Variants in CFAP299 observed in about 807,000 individuals in gnomAD.
CFAP299 encodes cilia and flagella associated protein 299.
Under a neutral mutation model 27.0 loss-of-function variants are expected in CFAP299, and 21 were observed. The observed-to-expected ratio is 0.78, with a 90% CI of 0.55 to 1.12. The LOEUF is 1.12. CFAP299 is among the 50% of genes most tolerant of loss of function. CFAP299 has a pLI of 0.00. For synonymous variants in CFAP299, 104 were observed against 98.1 expected, an observed-to-expected ratio of 1.06 and a Z score of -0.36; for missense variants, 310 against 276.6, an observed-to-expected ratio of 1.12 and a Z score of -0.86.
chr4:80,343,180 T>C (rs780228089), intron 1 of CFAP299, among the ~76,000 whole-genome samples: 1 of 152,194 alleles, frequency 6.6e-6, no homozygotes, highest in Non-Finnish European at 1.5e-5. Context: ...ATAAAGCAAG[T>C]TCTTAGAGAC....
rs888641481 is a variant in CFAP299 at position 80,510,676 on chromosome 4, T to C, written c.243-72417T>C. 5.9e-5 allele frequency among the ~76,000 whole-genome samples: 9 copies of C among 152,184 alleles called. No homozygotes were observed. The South Asian group carries it at 1.9e-3, about 31-fold the overall frequency. On this transcript the variant is annotated intron_variant, in intron 2 of 5. Transcript: ENST00000358105. ...CCAGTCATGAGTTAGTACAGGGATC[T>C]TAAAATAACACCAATATATGCCCTT...
At chr4:80,928,314 A>C (rs1038324902) in intron 4 of CFAP299, among the ~76,000 whole-genome samples, 2 of 151,926 alleles carry the variant, frequency 1.3e-5, no homozygotes, top group African/African-American at 4.8e-5. Flanking sequence ...ATACTCCTGA[A>C]TTTTCTAGCT....
intron 3 of CFAP299, among the ~76,000 whole-genome samples, chr4:80,681,839 G>A (rs1719864079): frequency 6.6e-6 from 1 of 152,116 alleles, no homozygotes; most frequent in Non-Finnish European, 1.5e-5. Flanking sequence ...AACTGGAGAA[G>A]GGCTATTTTT....
intron 4 of CFAP299, among the ~76,000 whole-genome samples, chr4:80,931,675 A>G (rs1578247764): frequency 1.3e-5 from 2 of 151,942 alleles, no homozygotes; most frequent in East Asian, 3.9e-4. Flanking sequence ...TATTTCAATC[A>G]CCATCCTGGT....
intron 2 of CFAP299, among the ~76,000 whole-genome samples, chr4:80,566,845 AC>A (rs1467915031): frequency 1.3e-5 from 2 of 152,082 alleles, no homozygotes; most frequent in African/African-American, 2.4e-5. Context: ...ACACATTCAG[AC>A]ACAAAGAACA....
chr4:80,813,618 G>A (rs1236606576), intron 3 of CFAP299, among the ~76,000 whole-genome samples: 1 of 151,964 alleles, frequency 6.6e-6, no homozygotes, highest in Non-Finnish European at 1.5e-5. Context: ...TACCAAATGA[G>A]ACAGAACATG....
intron 2 of CFAP299, chr4:80,387,441 T>C: frequency 1.2e-6 from 1 of 854,982 alleles, no homozygotes; most frequent in Non-Finnish European, 2.0e-6. Flanking sequence ...GAGCTGTAGA[T>C]GAGGACTACC....
intron 2 of CFAP299, among the ~76,000 whole-genome samples, chr4:80,419,667 G>A (rs1038312977): frequency 6.6e-6 from 1 of 151,982 alleles, no homozygotes; most frequent in Non-Finnish European, 1.5e-5. Context: ...TTCCCGGTGC[G>A]GGGTGCCTCT....
chr4:80,835,766 CAGAA>C (rs1730531074), intron 3 of CFAP299, among the ~76,000 whole-genome samples: 1 of 152,138 alleles, frequency 6.6e-6, no homozygotes, highest in Non-Finnish European at 1.5e-5. Flanking sequence ...TTCCATCCTC[CAGAA>C]CTGTGAGAGA....
At chr4:80,675,714 C>T (rs964824964) in intron 3 of CFAP299, among the ~76,000 whole-genome samples, 1 of 151,888 alleles carries the variant, frequency 6.6e-6, no homozygotes, top group African/African-American at 2.4e-5. Context: ...CTTCCCTATC[C>T]ACTATGTTTA....
intron 3 of CFAP299, among the ~76,000 whole-genome samples, chr4:80,650,827 A>G (rs1174229405): frequency 6.6e-6 from 1 of 152,050 alleles, no homozygotes; most frequent in Non-Finnish European, 1.5e-5. Context: ...ATGCAAATGC[A>G]TAAGAATGAC....
chr4:80,469,389 A>G (rs1729873469), intron 2 of CFAP299, among the ~76,000 whole-genome samples: 1 of 152,208 alleles, frequency 6.6e-6, no homozygotes, highest in Non-Finnish European at 1.5e-5. Context: ...TTTACTATTT[A>G]TGTGACCCTG....
At chr4:80,702,422 G>C (rs1721556506) in intron 3 of CFAP299, among the ~76,000 whole-genome samples, 1 of 151,796 alleles carries the variant, frequency 6.6e-6, no homozygotes, top group South Asian at 2.1e-4. Flanking sequence ...ACACGACACT[G>C]AGCTGTTTTT....
chr4:80,858,955 TG>T (rs1198307037), intron 3 of CFAP299, among the ~76,000 whole-genome samples: 2 of 152,216 alleles, frequency 1.3e-5, no homozygotes, highest in Non-Finnish European at 2.9e-5. Flanking sequence ...GTTCAATTCC[TG>T]GGTATCCTTG....
rs928265311 is a variant in CFAP299, at chr4:80,626,760, G to T, written c.333+43577G>T. ...ATATACCAACCATTTCAGTAACCTAGAGAAACAGATAAATTATTTGATGCT... is the reference window on the plus strand; with the variant it reads ...ATATACCAACCATTTCAGTAACCTATAGAAACAGATAAATTATTTGATGCT... On this transcript the variant is annotated intron_variant, in intron 3 of 5. Coordinates refer to ENST00000358105, the MANE Select transcript of CFAP299 (RefSeq NM_152770.3). Among the ~76,000 whole-genome samples, 4 of 151,648 alleles carry T rather than the reference G, an allele frequency of 2.6e-5. No homozygotes were observed. In the South Asian group the frequency reaches 8.3e-4, roughly 31 times the overall value.
intron 3 of CFAP299, among the ~76,000 whole-genome samples, chr4:80,681,575 T>A (rs1407787447): frequency 1.8e-4 from 28 of 152,292 alleles, no homozygotes; most frequent in African/African-American, 6.5e-4. Flanking sequence ...ACTTCTTTAG[T>A]TGCCCAGGAA....
intron 4 of CFAP299, among the ~76,000 whole-genome samples, chr4:80,928,989 A>G (rs1212810726): frequency 6.6e-6 from 1 of 152,148 alleles, no homozygotes; most frequent in African/African-American, 2.4e-5. Flanking sequence ...TGTTCCATAA[A>G]GTCTCTTCAC....
intron 3 of CFAP299, among the ~76,000 whole-genome samples, chr4:80,692,048 T>C (rs1226538034): frequency 1.3e-5 from 2 of 152,002 alleles, no homozygotes; most frequent in African/African-American, 4.8e-5. Flanking sequence ...TAAAAGAGGA[T>C]ACAAACAAAT....
At chr4:80,556,360 C>T (rs1734781918) in intron 2 of CFAP299, among the ~76,000 whole-genome samples, 1 of 151,988 alleles carries the variant, frequency 6.6e-6, no homozygotes, top group East Asian at 1.9e-4. Flanking sequence ...GCTATGAAGA[C>T]ATGGTTGACA....
Sources: gnomAD v4.1 joint callset for allele counts (sites outside exome capture counted in the v4.1 genomes callset) on GRCh38, gnomAD v4.1.1 for gene constraint, MANE v1.5 for transcripts, NCBI Gene and HGNC (gene_info 2026-07-23, HGNC 2026-07-21) for gene names.